ADGRD1: variants seen among roughly 807,000 people sequenced by gnomAD.
The protein encoded by ADGRD1 is G-protein coupled receptor 133.
In ADGRD1, 77 loss-of-function variants were observed where a neutral mutation model predicts 113.4. The observed-to-expected ratio is 0.68, with a 90% confidence interval of 0.57 to 0.82. The LOEUF (loss-of-function observed/expected upper bound fraction) is 0.82. Ranked by LOEUF, ADGRD1 falls within the 40% of genes least tolerant of loss-of-function variation. The probability of loss-of-function intolerance (pLI) is 0.00; values close to 1 mark genes in which losing one functional copy is unlikely to be tolerated. For missense variants in ADGRD1, 1,036 were observed against 1,139.1 expected (o/e 0.91, Z 1.30); for synonymous variants, 474 against 475.0 (o/e 1.00, Z 0.03).
chr12:131,115,584 A>C (rs1327122011), intron 18 of ADGRD1, among the ~76,000 whole-genome samples: 1 of 151,966 alleles, frequency 6.6e-6, no homozygotes, highest in Non-Finnish European at 1.5e-5. Flanking sequence ...CTGCCCCTCA[A>C]TCTTAGGGGG....
intron 21 of ADGRD1, among the ~76,000 whole-genome samples, chr12:131,132,476 A>G (rs1018015992): frequency 2.0e-5 from 3 of 152,198 alleles, no homozygotes; most frequent in East Asian, 3.8e-4. Context: ...CTGACTGTGA[A>G]GTCCGGAGCT....
chr12:131,133,797 G>A (rs1950998953), intron 21 of ADGRD1, among the ~76,000 whole-genome samples: 2 of 152,184 alleles, frequency 1.3e-5, no homozygotes. Context: ...GGGAGCAGGC[G>A]CCAGGCAGGA....
At chr12:130,994,140 T>C in intron 8 of ADGRD1, 2 of 349,424 alleles carry the variant, frequency 5.7e-6, no homozygotes, top group Non-Finnish European at 1.2e-5. Flanking sequence ...GTGGGAGCGC[T>C]TCCGGGCTCC....
chr12:131,003,298 G>T lies in ADGRD1; in HGVS notation c.1140G>T (p.Met380Ile), dbSNP rs1418827012. Residue 380 changes from methionine to isoleucine, a missense_variant, in exon 10 of 25, where the codon ATG becomes ATT. Physicochemically the swap from Met to Ile is conservative, Grantham distance 10. Transcript: ENST00000261654. The surrounding 1 kb of genome is among the most constrained non-coding windows in gnomAD (Gnocchi z 4.8). The part of the protein sequence containing the change: ...PQVTVEGSSA[M>I]AEFSVAKILP... ...TCACCGTGGAGGGCTCCTCTGCCAT[G>T]GCAGGTAGCTGTCGCTTGTAAGGGT... The T allele has an allele frequency of 6.2e-7, 1 of 1,610,384 alleles. No homozygotes were observed. The highest frequency in any genetic ancestry group is 2.2e-5 in the East Asian group (1 of 44,858).
chr12:131,095,739 T>A (rs974989139), intron 15 of ADGRD1, among the ~76,000 whole-genome samples: 3 of 152,192 alleles, frequency 2.0e-5, no homozygotes, highest in African/African-American at 7.2e-5. Context: ...GGTCAACACG[T>A]ATTTTTTGTC....
rs1174307907 is a variant in ADGRD1, at chr12:131,120,894, C to G, written c.2156C>G (p.Pro719Arg). ...GGCGCCATCTGGGCCTTTGTAGCCC[C>G]TGCCCTGTTTGTCATCGTGGTACGT... ...ASGAIWAFVA[P>R]ALFVIVVNIG... is the part of the protein sequence containing the mutation. Residue 719 changes from proline to arginine, a missense_variant, in exon 20 of 25, where the codon CCT becomes CGT. By Grantham distance (103) the Pro-to-Arg change is moderately radical (BLOSUM62 -2). Coordinates refer to ENST00000261654, the MANE Select transcript of ADGRD1 (RefSeq NM_198827.5). 6.2e-7 allele frequency: 1 copy of G among 1,614,072 alleles called. No individual in the cohort carries two copies. Among genetic ancestry groups the G allele is most frequent in the African/African-American group, 1.3e-5 (1 of 74,952 alleles).
intron 13 of ADGRD1, among the ~76,000 whole-genome samples, chr12:131,031,011 C>T (rs1272994642): frequency 4.6e-5 from 7 of 152,184 alleles, no homozygotes; most frequent in Admixed American, 3.3e-4. Flanking sequence ...CACCGAGGGC[C>T]GCTCTTTTCA....
chr12:131,023,264 T>C (rs1382064069), intron 13 of ADGRD1: 1 of 152,250 alleles, frequency 6.6e-6, no homozygotes, highest in African/African-American at 2.4e-5. Flanking sequence ...TAGAACACAG[T>C]CAAGTTCATC....
chr12:130,974,808 TGCTCC>T (rs1872116234), intron 4 of ADGRD1, among the ~76,000 whole-genome samples: 7 of 126,976 alleles, frequency 5.5e-5, no homozygotes, highest in Non-Finnish European at 1.2e-4. Context: ...GCTGTGGCCC[TGCTCC>T]GGACCCCCGC....
intron 2 of ADGRD1, chr12:130,962,379 T>C (rs935393520): frequency 6.6e-6 from 1 of 152,214 alleles, no homozygotes; most frequent in African/African-American, 2.4e-5. Context: ...CATTTGTAAA[T>C]GGAAAGAATG....
intron 13 of ADGRD1, among the ~76,000 whole-genome samples, chr12:131,073,285 T>C (rs1885322569): frequency 6.6e-6 from 1 of 152,244 alleles, no homozygotes; most frequent in Non-Finnish European, 1.5e-5. Context: ...TCAAGGTTTT[T>C]CCTTGTCGTA....
intron 5 of ADGRD1, among the ~76,000 whole-genome samples, chr12:130,983,622 C>T (rs1873279159): frequency 6.6e-6 from 1 of 152,180 alleles, no homozygotes; most frequent in African/African-American, 2.4e-5. Context: ...TGGCAATGTG[C>T]TCTCTTTTGT....
intron 2 of ADGRD1, among the ~76,000 whole-genome samples, chr12:130,956,159 CCCAGGCCT>C (rs1253813430): frequency 6.6e-6 from 1 of 152,226 alleles, no homozygotes; most frequent in Non-Finnish European, 1.5e-5. Context: ...CAGGGCGATA[CCCAGGCCT>C]CCAGGGAGAG....
chr12:131,023,886 G>A (rs1879630058), intron 13 of ADGRD1: 1 of 152,170 alleles, frequency 6.6e-6, no homozygotes. Flanking sequence ...GCAGTGTTGA[G>A]GGGCAATGAA....
intron 15 of ADGRD1, among the ~76,000 whole-genome samples, chr12:131,085,559 G>A (rs1886401349): frequency 6.6e-6 from 1 of 152,164 alleles, no homozygotes; most frequent in Non-Finnish European, 1.5e-5. Context: ...GTTTGGGGTG[G>A]GGCACGTAGA....
chr12:131,093,677 C>G (rs1162005232), intron 15 of ADGRD1, among the ~76,000 whole-genome samples: 1 of 152,196 alleles, frequency 6.6e-6, no homozygotes, highest in Non-Finnish European at 1.5e-5. Context: ...GAAACAGGCT[C>G]CCTCCACGGG....
intron 12 of ADGRD1, among the ~76,000 whole-genome samples, chr12:131,010,307 T>A (rs1412862363): frequency 2.0e-5 from 3 of 152,192 alleles, no homozygotes; most frequent in Non-Finnish European, 4.4e-5. Flanking sequence ...GTGAGGGGAT[T>A]CCTTGAGCAC....
intron 13 of ADGRD1, among the ~76,000 whole-genome samples, chr12:131,016,426 G>A (rs545884073): frequency 6.6e-6 from 1 of 152,336 alleles, no homozygotes; most frequent in Admixed American, 6.5e-5. Flanking sequence ...TCTTTGTGTG[G>A]AGAGAATCCT....
intron 13 of ADGRD1, among the ~76,000 whole-genome samples, chr12:131,055,397 G>A (rs1367986923): frequency 6.6e-6 from 1 of 152,204 alleles, no homozygotes; most frequent in Non-Finnish European, 1.5e-5. Context: ...TGACTTCAGC[G>A]TTCGGGATGG....
Sources: allele counts gnomAD v4.1 joint callset (sites outside exome capture counted in the v4.1 genomes callset), GRCh38; gene constraint gnomAD v4.1.1; non-coding constraint Gnocchi (gnomAD v3.1); transcripts MANE v1.5; gene names NCBI Gene and HGNC (gene_info 2026-07-23, HGNC 2026-07-21).